Variants in FRMD4A observed in about 807,000 individuals in gnomAD.
FRMD4A encodes FERM domain containing 4A.
In FRMD4A, 29 loss-of-function variants were observed where a neutral mutation model predicts 129.1. The observed-to-expected ratio is 0.22, with a 90% CI of 0.17 to 0.31. FRMD4A has a LOEUF of 0.31. Ranked by LOEUF, FRMD4A falls within the 10% of genes least tolerant of loss-of-function variation. The pLI is 1.00. For synonymous variants in FRMD4A, 634 were observed against 571.6 expected, an observed-to-expected ratio of 1.11 and a Z score of -1.56; for missense variants, 1,272 against 1,375.8, an observed-to-expected ratio of 0.92 and a Z score of 1.19.
At chr10:13,694,658 G>T (rs751774828) in intron 14 of FRMD4A, among the ~76,000 whole-genome samples, 4 of 152,174 alleles carry the variant, frequency 2.6e-5, no homozygotes, top group African/African-American at 7.2e-5. Flanking sequence ...TCTCCAGCTT[G>T]GGCATCATAG....
chr10:14,185,534 G>C (rs369955840), intron 2 of FRMD4A, among the ~76,000 whole-genome samples: 2 of 151,372 alleles, frequency 1.3e-5, no homozygotes, highest in South Asian at 2.1e-4. Flanking sequence ...TAGAACTATG[G>C]AAACTTGAAA....
In FRMD4A at chr10:14,227,243, C is replaced by CTTTTTTTTTTTTTT. The variant is rs10674411; in HGVS notation, c.45+102801_45+102814dup. Among the ~76,000 whole-genome samples the CTTTTTTTTTTTTTT allele has an allele frequency of 1.1e-4, 7 of 64,130 alleles. 2 individuals are homozygous for CTTTTTTTTTTTTTT. The highest frequency in any genetic ancestry group is 1.9e-4 in the African/African-American group (3 of 16,020). The allele number at this position is 64,130 out of a possible 152,430, so 42.1% of individuals were successfully genotyped here. A position where few individuals can be genotyped will look rare whatever the true frequency, so the allele number is the denominator to read the frequency against. The stretch of plus-strand genomic sequence containing the variant: ...TCCTCCTCCTCCTTCTCTTCTTCTT[C>CTTTTTTTTTTTTTT]TTTTTTTTTTTTTTTTTTTTTTTTT... On this transcript the variant is annotated intron_variant, in intron 2 of 24. Coordinates refer to ENST00000357447, the MANE Select transcript of FRMD4A (RefSeq NM_018027.5).
At chr10:13,724,220 C>G (rs2089704783) in intron 12 of FRMD4A, among the ~76,000 whole-genome samples, 1 of 151,542 alleles carries the variant, frequency 6.6e-6, no homozygotes, top group African/African-American at 2.4e-5. Flanking sequence ...AACCCTGTCT[C>G]TACTAAAAAT....
At chr10:14,245,838 G>A (rs548339184) in intron 2 of FRMD4A, among the ~76,000 whole-genome samples, 95 of 152,212 alleles carry the variant, frequency 6.2e-4, no homozygotes, top group Non-Finnish European at 1.2e-3. Context: ...CCAGTCTGTG[G>A]TGCTTTATTA....
intron 13 of FRMD4A, among the ~76,000 whole-genome samples, chr10:13,704,691 A>G (rs148850803): frequency 3.0e-4 from 45 of 152,172 alleles, no homozygotes; most frequent in Admixed American, 1.1e-3. Context: ...CAGACCTCCT[A>G]GGTTCAAATC....
rs188364669 is a variant in FRMD4A at position 13,819,639 on chromosome 10, A to G, written c.112-8731T>C. The stretch of plus-strand genomic sequence containing the variant: ...TGAGTATTACCTTTCATCACAAAAG[A>G]CGTGATCCTTGGGAGGAGGAACTAA... On this transcript the variant is annotated intron_variant, in intron 3 of 24. Coordinates refer to ENST00000357447, the MANE Select transcript of FRMD4A (RefSeq NM_018027.5). Among the ~76,000 whole-genome samples the G allele has an allele frequency of 9.2e-5, 14 of 151,912 alleles. No individual in the cohort carries two copies. In the East Asian group the frequency reaches 2.3e-3, roughly 25 times the overall value.
intron 2 of FRMD4A, among the ~76,000 whole-genome samples, chr10:13,943,537 ACTT>A (rs2095308765): frequency 6.7e-6 from 1 of 150,156 alleles, no homozygotes; most frequent in Admixed American, 6.7e-5. Context: ...AGTCCCAGCT[ACTT>A]GGGAGGCTGA....
At chr10:13,790,500 A>G (rs556821133) in intron 5 of FRMD4A, among the ~76,000 whole-genome samples, 1 of 152,290 alleles carries the variant, frequency 6.6e-6, no homozygotes, top group South Asian at 2.1e-4. Context: ...GGCTCAAGGG[A>G]CAGCAGAGCA....
chr10:13,820,246 T>C (rs143175711), intron 3 of FRMD4A, among the ~76,000 whole-genome samples: 14 of 152,304 alleles, frequency 9.2e-5, no homozygotes, highest in African/African-American at 2.9e-4. Context: ...AGGAAACTCA[T>C]ACACCCTCAG....
In FRMD4A at chr10:14,320,078, G is replaced by A. The variant is rs115665469; in HGVS notation, c.45+9980C>T. 3.3e-3 allele frequency among the ~76,000 whole-genome samples: 507 copies of A among 151,772 alleles called. 4 individuals are homozygous for A. Among genetic ancestry groups the A allele is most frequent in the African/African-American group, 0.011 (471 of 41,372 alleles). On this transcript the variant is annotated intron_variant, in intron 2 of 24. Coordinates refer to ENST00000357447, the MANE Select transcript of FRMD4A (RefSeq NM_018027.5). ...TTCCTCTTTTCTTACTGTCAGCTCCGTGCCACCTCTTTACCTCCCGCCCAA... is the reference window on the plus strand; with the variant it reads ...TTCCTCTTTTCTTACTGTCAGCTCCATGCCACCTCTTTACCTCCCGCCCAA...
chr10:14,179,144 C>A (rs1329127079), intron 2 of FRMD4A, among the ~76,000 whole-genome samples: 3 of 152,190 alleles, frequency 2.0e-5, no homozygotes, highest in African/African-American at 7.2e-5. Flanking sequence ...ACCCTTTCTT[C>A]CCCACATCTT....
chr10:13,864,338 C>CAAAAAAAAAAAAAAAAA (rs149602938), intron 2 of FRMD4A, among the ~76,000 whole-genome samples: 10 of 114,666 alleles, frequency 8.7e-5, no homozygotes, highest in South Asian at 2.8e-4. Context: ...CATCTTGAGT[C>CAAAAAAAAAAAAAAAAA]AAAAAAAAAA....
chr10:14,062,516 G>A (rs951213988), intron 2 of FRMD4A, among the ~76,000 whole-genome samples: 9 of 152,168 alleles, frequency 5.9e-5, no homozygotes, highest in African/African-American at 1.7e-4. Flanking sequence ...TGGTGAAACC[G>A]ACTCTAAGAA....
At chr10:13,987,918 A>G (rs930892243) in intron 2 of FRMD4A, among the ~76,000 whole-genome samples, 4 of 152,220 alleles carry the variant, frequency 2.6e-5, no homozygotes, top group African/African-American at 9.6e-5. Flanking sequence ...GAAAAAATAA[A>G]TCACTCCAAA....
chr10:13,781,823 C>CCATTT (rs1564793157), intron 6 of FRMD4A, among the ~76,000 whole-genome samples: 1 of 59,498 alleles, frequency 1.7e-5, no homozygotes, highest in Non-Finnish European at 2.9e-5. Flanking sequence ...CTGAGGAAAA[C>CCATTT]GGGGAAGGGG....
chr10:13,884,168 TCA>T (rs745788719), intron 2 of FRMD4A, among the ~76,000 whole-genome samples: 1 of 67,452 alleles, frequency 1.5e-5, no homozygotes, highest in African/African-American at 6.6e-5. Flanking sequence ...ACACACACAC[TCA>T]CACACTCACA....
intron 2 of FRMD4A, among the ~76,000 whole-genome samples, chr10:14,243,027 T>G (rs1264987553): frequency 7.2e-6 from 1 of 139,420 alleles, no homozygotes; most frequent in African/African-American, 2.6e-5. Flanking sequence ...AAATATGGCA[T>G]CTGTCTGTCT....
chr10:14,239,279 G>C (rs1003413295), intron 2 of FRMD4A, among the ~76,000 whole-genome samples: 2 of 152,192 alleles, frequency 1.3e-5, no homozygotes, highest in Non-Finnish European at 2.9e-5. Context: ...CTAATTAAAA[G>C]TGCCTTTTAA....
At chr10:14,037,251 C>T (rs573751112) in intron 2 of FRMD4A, among the ~76,000 whole-genome samples, 8 of 152,258 alleles carry the variant, frequency 5.3e-5, no homozygotes, top group African/African-American at 1.9e-4. Flanking sequence ...TTTTTCTTTA[C>T]TTTTTTTGAA....
Sources: allele counts gnomAD v4.1 joint callset (sites outside exome capture counted in the v4.1 genomes callset), GRCh38; gene constraint gnomAD v4.1.1; transcripts MANE v1.5; gene names NCBI Gene and HGNC (gene_info 2026-07-23, HGNC 2026-07-21).